Variants in TANC2 observed in about 807,000 individuals in gnomAD.
TANC2 encodes the protein protein TANC2.
TANC2 carries 26 observed loss-of-function variants against 210.5 expected under a neutral mutation model. The observed-to-expected ratio is 0.12, with a 90% CI of 0.09 to 0.17. TANC2 has a LOEUF of 0.17. Ranked by LOEUF, TANC2 falls within the 10% of genes least tolerant of loss-of-function variation. The probability of loss-of-function intolerance (pLI) is 1.00; values close to 1 mark genes in which losing one functional copy is unlikely to be tolerated. For missense variants in TANC2, 2,129 were observed against 2,608.9 expected, an observed-to-expected ratio of 0.82 and a Z score of 4.01; for synonymous variants, 931 against 967.1, an observed-to-expected ratio of 0.96 and a Z score of 0.69.
At chr17:63,287,889 T>A (rs2044274203) in intron 9 of TANC2, among the ~76,000 whole-genome samples, 1 of 151,942 alleles carries the variant, frequency 6.6e-6, no homozygotes, top group African/African-American at 2.4e-5. Context: ...TTGGCCAGGC[T>A]GGGTCTCGAT....
chr17:63,372,920 G>C (rs1433280409), intron 14 of TANC2, among the ~76,000 whole-genome samples: 1 of 112,846 alleles, frequency 8.9e-6, no homozygotes, highest in Non-Finnish European at 1.7e-5. Flanking sequence ...TTTTGAGATA[G>C]GGTCTTGCTC....
chr17:63,211,823 G>C (rs375954425), intron 7 of TANC2, among the ~76,000 whole-genome samples: 2 of 152,166 alleles, frequency 1.3e-5, no homozygotes, highest in East Asian at 1.9e-4. Flanking sequence ...AAGAAGGAAA[G>C]CTTAATGATG....
At chr17:63,426,861 A>G (rs1398048911) in exon 28 of TANC2, 1 of 152,230 alleles carries the variant, frequency 6.6e-6, no homozygotes, top group Non-Finnish European at 1.5e-5. Context: ...GCTAACCAGA[A>G]AGTCTGGTTA....
intron 8 of TANC2, among the ~76,000 whole-genome samples, chr17:63,258,614 A>G: frequency 6.6e-6 from 1 of 152,102 alleles, no homozygotes; most frequent in East Asian, 1.9e-4. Context: ...AAGGAGTCTC[A>G]ACACCCCAGG....
At chr17:63,162,125 C>T (rs1276231469) in intron 5 of TANC2, among the ~76,000 whole-genome samples, 1 of 151,956 alleles carries the variant, frequency 6.6e-6, no homozygotes, top group Non-Finnish European at 1.5e-5. Context: ...GGCAATATAG[C>T]AAGACCTCAA....
intron 8 of TANC2, among the ~76,000 whole-genome samples, chr17:63,250,304 A>G (rs773753705): frequency 6.6e-6 from 1 of 151,864 alleles, no homozygotes; most frequent in Non-Finnish European, 1.5e-5. Context: ...TTATTTATTT[A>G]TTTATGAATG....
intron 1 of TANC2, among the ~76,000 whole-genome samples, chr17:62,995,681 C>A (rs1481651152): frequency 6.6e-6 from 1 of 152,190 alleles, no homozygotes; most frequent in Non-Finnish European, 1.5e-5. Flanking sequence ...CAGTTACTTC[C>A]CTTTCTCAAG....
In TANC2 at chr17:63,320,099, A is replaced by G. The variant is rs191055285; in HGVS notation, c.1575+1009A>G. Among the ~76,000 whole-genome samples the G allele has an allele frequency of 7.4e-4, 112 of 152,330 alleles. 1 individual carries two copies. In the East Asian group the frequency reaches 0.018, roughly 25 times the overall value. ...AATCCATATTATATATAGTATTTTC[A>G]GTATTAATACTGTGCAAATACATCA... On this transcript the variant is annotated intron_variant, in intron 11 of 27. Transcript: ENST00000689528.
intron 4 of TANC2, among the ~76,000 whole-genome samples, chr17:63,133,218 C>T (rs1029096188): frequency 5.0e-4 from 75 of 149,350 alleles, no homozygotes; most frequent in Non-Finnish European, 8.0e-4. Flanking sequence ...GTGATCCACC[C>T]GCCTCTGCCT....
At chr17:63,216,715 A>C (rs1020943031) in intron 7 of TANC2, among the ~76,000 whole-genome samples, 1 of 152,040 alleles carries the variant, frequency 6.6e-6, no homozygotes, top group Non-Finnish European at 1.5e-5. Context: ...GGCAGCAAAA[A>C]CTCACACATA....
intron 11 of TANC2, among the ~76,000 whole-genome samples, chr17:63,322,256 T>G (rs974063923): frequency 2.6e-5 from 4 of 152,180 alleles, no homozygotes; most frequent in Non-Finnish European, 4.4e-5. Context: ...CCCAGCACTT[T>G]GGGAGGCCGA....
chr17:62,997,465 A>G (rs1253396228), intron 1 of TANC2, among the ~76,000 whole-genome samples: 2 of 152,216 alleles, frequency 1.3e-5, no homozygotes, highest in African/African-American at 4.8e-5. Context: ...CATTTACTTT[A>G]AATATATGTA....
intron 14 of TANC2, among the ~76,000 whole-genome samples, chr17:63,364,738 G>A (rs2047061541): frequency 6.6e-6 from 1 of 151,714 alleles, no homozygotes; most frequent in African/African-American, 2.4e-5. Context: ...AGTGAGGTAT[G>A]TCATGCCACT....
At chr17:63,342,412 T>C (rs1340812763) in intron 12 of TANC2, among the ~76,000 whole-genome samples, 1 of 152,110 alleles carries the variant, frequency 6.6e-6, no homozygotes, top group East Asian at 1.9e-4. Flanking sequence ...TTAGGAAATA[T>C]GTTTTGAACA....
At chr17:63,411,371 C>T (rs562347324) in intron 21 of TANC2, 140 bp from the exon 22 acceptor site, 259 of 764,986 alleles carry the variant, frequency 3.4e-4, no homozygotes, top group Non-Finnish European at 3.9e-4. Context: ...ATACAACTGG[C>T]ATACCAGCAT....
chr17:63,156,927 G>A (rs2039860760), intron 5 of TANC2, among the ~76,000 whole-genome samples: 1 of 152,164 alleles, frequency 6.6e-6, no homozygotes, highest in South Asian at 2.1e-4. Context: ...CTGGCCTCAA[G>A]TGATTCTCCC....
At chr17:63,289,134 A>C (rs1184979107) in intron 9 of TANC2, among the ~76,000 whole-genome samples, 1 of 152,182 alleles carries the variant, frequency 6.6e-6, no homozygotes, top group Non-Finnish European at 1.5e-5. Context: ...TCGTAGTTTC[A>C]AAATGATACG....
chr17:63,202,274 A>G (rs975674631), intron 7 of TANC2, among the ~76,000 whole-genome samples: 1 of 152,138 alleles, frequency 6.6e-6, no homozygotes, highest in African/African-American at 2.4e-5. Context: ...AGTCAGAAAT[A>G]AGAATTTAAG....
chr17:63,420,074 TCTG>T lies in TANC2; in HGVS notation c.4348_4350del (p.Leu1450del). The stretch of plus-strand genomic sequence containing the variant: ...CCAACAACCGTGAGATCCAGAGACT[TCTG>T]CTGAGAGTGGAAGAAGAGTGTAGAC... On this transcript the variant is annotated inframe_deletion, in exon 28 of 28. Coordinates refer to ENST00000689528, the Ensembl canonical transcript of TANC2. This position sits in a 1 kb window ranked among gnomAD's most constrained non-coding sequence, Gnocchi z 4.2. The T allele has an allele frequency of 1.3e-6, 2 of 1,552,238 alleles. No homozygotes were observed. The highest frequency in any genetic ancestry group is 1.7e-6 in the Non-Finnish European group (2 of 1,147,132).
Sources: gnomAD v4.1 joint callset for allele counts (sites outside exome capture counted in the v4.1 genomes callset) on GRCh38, gnomAD v4.1.1 for gene constraint, Gnocchi (gnomAD v3.1) non-coding constraint, MANE v1.5 for transcripts, NCBI Gene and HGNC (gene_info 2026-07-23, HGNC 2026-07-21) for gene names.